The following CCDC91 variants were observed in gnomAD, a reference collection of about 807,000 sequenced individuals.
CCDC91 encodes coiled-coil domain-containing protein 91.
CCDC91 carries 48 observed loss-of-function variants against 63.2 expected under a neutral mutation model. The ratio of observed to expected loss-of-function variants is 0.76; its 90% CI spans 0.60 to 0.97. CCDC91 has a LOEUF of 0.97. Among genes scored for constraint, CCDC91 ranks in the 50% least tolerant of loss-of-function variants. The probability of loss-of-function intolerance (pLI) is 0.00; values close to 1 mark genes in which losing one functional copy is unlikely to be tolerated. For synonymous variants in CCDC91, 167 were observed against 165.8 expected, an observed-to-expected ratio of 1.01 and a Z score of -0.06; for missense variants, 500 against 494.6, an observed-to-expected ratio of 1.01 and a Z score of -0.10.
intron 12 of CCDC91, among the ~76,000 whole-genome samples, chr12:28,506,723 T>C (rs1387281367): frequency 6.6e-6 from 1 of 151,908 alleles, no homozygotes; most frequent in Non-Finnish European, 1.5e-5. Flanking sequence ...AAAGGTTAGA[T>C]AGCTTGTGCA....
At chr12:28,239,449 T>C (rs925434285) in intron 1 of CCDC91, among the ~76,000 whole-genome samples, 1 of 152,202 alleles carries the variant, frequency 6.6e-6, no homozygotes, top group Non-Finnish European at 1.5e-5. Flanking sequence ...TGGAAAGTGA[T>C]GCAGTAAACC....
rs534758571 is a variant in CCDC91 at position 28,520,849 on chromosome 12, T to A, written c.1216-28214T>A. On this transcript the variant is annotated intron_variant, in intron 12 of 12. Coordinates refer to ENST00000536442, the MANE Select transcript of CCDC91 (RefSeq NM_018318.5). The stretch of plus-strand genomic sequence containing the variant: ...AGGGAATCGTTTCCCCATTTCTTGT[T>A]TTTGTCAGGTTTGTCAAAGATCAGA... Among the ~76,000 whole-genome samples, 14 of 152,256 alleles carry A rather than the reference T, an allele frequency of 9.2e-5. No individual in the cohort carries two copies. The East Asian group carries it at 2.7e-3, about 29-fold the overall frequency.
At chr12:28,249,692 G>A (rs1466084480) in intron 1 of CCDC91, among the ~76,000 whole-genome samples, 1 of 151,906 alleles carries the variant, frequency 6.6e-6, no homozygotes, top group Non-Finnish European at 1.5e-5. Context: ...GTGACACTTA[G>A]GGATGTTTTG....
At chr12:28,523,403 C>T (rs1940931717) in intron 12 of CCDC91, among the ~76,000 whole-genome samples, 1 of 151,868 alleles carries the variant, frequency 6.6e-6, no homozygotes, top group Admixed American at 6.6e-5. Flanking sequence ...CAACCCCTGC[C>T]TTTTTTTGTT....
chr12:28,524,468 G>T (rs1359155960), intron 12 of CCDC91, among the ~76,000 whole-genome samples: 4 of 152,014 alleles, frequency 2.6e-5, no homozygotes, highest in African/African-American at 9.7e-5. Context: ...AATCATGCTG[G>T]ATTATCTCTG....
chr12:28,329,466 ATTATATTTAATT>A (rs368446206), intron 6 of CCDC91, among the ~76,000 whole-genome samples: 2,336 of 152,116 alleles, frequency 0.015, 59 homozygotes, highest in African/African-American at 0.053. Context: ...ACCTAAATAT[ATTATATTTAATT>A]TTATATGATA....
At chr12:28,535,104 A>C (rs1350943110) in intron 12 of CCDC91, among the ~76,000 whole-genome samples, 4 of 152,214 alleles carry the variant, frequency 2.6e-5, no homozygotes, top group Non-Finnish European at 4.4e-5. Flanking sequence ...AGAAAATATG[A>C]TTAGATTTGC....
intron 8 of CCDC91, among the ~76,000 whole-genome samples, chr12:28,393,379 A>AT (rs556210228): frequency 1.1e-3 from 149 of 141,182 alleles, no homozygotes; most frequent in African/African-American, 2.1e-3. Context: ...TCTTTTTGAA[A>AT]TTTTTTTTTT....
At chr12:28,521,926 C>G (rs1940719080) in intron 12 of CCDC91, among the ~76,000 whole-genome samples, 1 of 152,130 alleles carries the variant, frequency 6.6e-6, no homozygotes, top group Non-Finnish European at 1.5e-5. Flanking sequence ...ATGAAGCCAA[C>G]TTGATCATGG....
At chr12:28,276,662 A>G (rs1370543607) in intron 3 of CCDC91, among the ~76,000 whole-genome samples, 1 of 151,904 alleles carries the variant, frequency 6.6e-6, no homozygotes, top group Admixed American at 6.6e-5. Context: ...CTTGGGGCAA[A>G]TGATTTTTTT....
At chr12:28,406,429 G>A (rs1213801234) in intron 8 of CCDC91, among the ~76,000 whole-genome samples, 2 of 152,104 alleles carry the variant, frequency 1.3e-5, no homozygotes, top group African/African-American at 4.8e-5. Context: ...AGGTTGTATG[G>A]TAAAGTATAT....
chr12:28,260,022 C>G (rs565116488), intron 3 of CCDC91, among the ~76,000 whole-genome samples: 1 of 152,028 alleles, frequency 6.6e-6, no homozygotes, highest in Admixed American at 6.6e-5. Context: ...TTTTCTTCAA[C>G]AGCTCTGCCT....
At chr12:28,284,335 T>A (rs1948782130) in intron 3 of CCDC91, among the ~76,000 whole-genome samples, 2 of 152,178 alleles carry the variant, frequency 1.3e-5, no homozygotes. Flanking sequence ...TATACTTTTT[T>A]GTATTTAATG....
chr12:28,391,330 A>C lies in CCDC91; in HGVS notation c.681A>C (p.Gln227His). 1 of 1,612,878 alleles carries C rather than the reference A, an allele frequency of 6.2e-7. No homozygotes were observed. The highest frequency in any genetic ancestry group is 8.5e-7 in the Non-Finnish European group (1 of 1,179,048). Residue 227 changes from glutamine (Q) to histidine (H), a missense_variant, in exon 8 of 13, where the codon CAA (glutamine) becomes CAC (histidine). Gln to His is a conservative substitution (Grantham distance 24). Coordinates refer to ENST00000536442, the MANE Select transcript of CCDC91 (RefSeq NM_018318.5). ...YKALLQSSVKQQVEAIEKQYI... is the reference protein window; with the variant it reads ...YKALLQSSVKHQVEAIEKQYI... ...CACTACTGCAGTCTTCAGTTAAGCAACAAGTAGAAGCTATTGAAAAACAGT... is the reference window on the plus strand; with the variant it reads ...CACTACTGCAGTCTTCAGTTAAGCACCAAGTAGAAGCTATTGAAAAACAGT...
chr12:28,381,903 G>T (rs751601292), intron 7 of CCDC91, among the ~76,000 whole-genome samples: 2 of 152,088 alleles, frequency 1.3e-5, no homozygotes, highest in African/African-American at 4.8e-5. Flanking sequence ...GCTTGGAACT[G>T]CAGGGGACCT....
chr12:28,389,515 C>G (rs571642483), intron 7 of CCDC91, among the ~76,000 whole-genome samples: 1 of 152,092 alleles, frequency 6.6e-6, no homozygotes, highest in East Asian at 1.9e-4. Flanking sequence ...ATATAGTGTA[C>G]AAATCAACCC....
intron 6 of CCDC91, among the ~76,000 whole-genome samples, chr12:28,338,838 TTTTC>T (rs1942202026): frequency 6.6e-6 from 1 of 151,900 alleles, no homozygotes. Context: ...CTTTTTTTCT[TTTTC>T]TTTCTTTCTT....
intron 7 of CCDC91, among the ~76,000 whole-genome samples, chr12:28,363,815 T>C (rs1241165572): frequency 1.4e-5 from 2 of 140,416 alleles, no homozygotes; most frequent in Non-Finnish European, 3.0e-5. Flanking sequence ...AGGCGGAGCT[T>C]GCAGTGAGCC....
At chr12:28,528,501 G>A (rs1300668012) in intron 12 of CCDC91, among the ~76,000 whole-genome samples, 5 of 152,290 alleles carry the variant, frequency 3.3e-5, no homozygotes, top group African/African-American at 1.2e-4. Context: ...TCCTGCAGGA[G>A]CAATCCACTT....
Sources: gnomAD v4.1 joint callset for allele counts (sites outside exome capture counted in the v4.1 genomes callset) on GRCh38, gnomAD v4.1.1 for gene constraint, MANE v1.5 for transcripts, NCBI Gene and HGNC (gene_info 2026-07-23, HGNC 2026-07-21) for gene names.